The following NECAB1 variants were observed in gnomAD, a reference collection of about 807,000 sequenced individuals.
NECAB1 encodes the protein N-terminal EF-hand calcium-binding protein 1.
Under a neutral mutation model 57.5 loss-of-function variants are expected in NECAB1, and 29 were observed. The ratio of observed to expected loss-of-function variants is 0.50; its 90% CI spans 0.38 to 0.69. The LOEUF is 0.69. NECAB1 is among the 30% of genes least tolerant of loss of function. The probability of loss-of-function intolerance (pLI) is 0.00; values close to 1 mark genes in which losing one functional copy is unlikely to be tolerated. For synonymous variants in NECAB1, 142 were observed against 147.7 expected (o/e 0.96, Z 0.28); for missense variants, 372 against 413.8 (o/e 0.90, Z 0.88).
chr8:90,844,736 C>A (rs1812524126), intron 3 of NECAB1, among the ~76,000 whole-genome samples: 1 of 152,184 alleles, frequency 6.6e-6, no homozygotes, highest in Admixed American at 6.5e-5. Context: ...TCTAGGGAAT[C>A]TTTATCCAGT....
rs2130288438 is a variant in NECAB1 at position 90,956,453 on chromosome 8, G to GAAAT, written c.*943_*944insATAA. On this transcript the variant is annotated 3_prime_UTR_variant, in exon 13 of 13. Coordinates refer to ENST00000417640, the MANE Select transcript of NECAB1 (RefSeq NM_022351.5). ...AAAATAGTAGTGAAAGTATTAGACAGAAGACATCTGTTTTCGAATTTCAAC... is the reference window on the plus strand; with the variant it reads ...AAAATAGTAGTGAAAGTATTAGACAGAAATAAGACATCTGTTTTCGAATTTCAAC... The GAAAT allele has an allele frequency of 6.6e-6, 1 of 151,934 alleles. No homozygotes were observed. The highest frequency in any genetic ancestry group is 6.6e-5 in the Admixed American group (1 of 15,252). 9.4% of individuals were successfully genotyped at this position (151,934 alleles called of 1,614,324 possible).
intron 10 of NECAB1, among the ~76,000 whole-genome samples, chr8:90,948,266 T>A (rs974485759): frequency 6.6e-6 from 1 of 152,144 alleles, no homozygotes; most frequent in Non-Finnish European, 1.5e-5. Flanking sequence ...CTCCTGGGAT[T>A]AGAAAATCAC....
chr8:90,820,624 T>C (rs1812128533), intron 2 of NECAB1, among the ~76,000 whole-genome samples: 1 of 151,820 alleles, frequency 6.6e-6, no homozygotes, highest in African/African-American at 2.4e-5. Flanking sequence ...GCTCTAGTTG[T>C]TGTCATGTTT....
At chr8:90,850,137 GAGAT>G (rs1812655839) in intron 3 of NECAB1, among the ~76,000 whole-genome samples, 1 of 152,182 alleles carries the variant, frequency 6.6e-6, no homozygotes, top group African/African-American at 2.4e-5. Flanking sequence ...AACAGAGAGA[GAGAT>G]AAAAGTAGAG....
intron 12 of NECAB1, 84 bp from the exon 13 acceptor site, chr8:90,955,403 C>T: frequency 1.0e-6 from 1 of 969,202 alleles, no homozygotes. Flanking sequence ...GGGGAATGGT[C>T]TCTTTAGAAA....
chr8:90,879,112 A>G (rs1808788317), intron 4 of NECAB1, among the ~76,000 whole-genome samples: 1 of 140,228 alleles, frequency 7.1e-6, no homozygotes, highest in African/African-American at 2.7e-5. Context: ...AGGTATCTAT[A>G]TATAGATATC....
At chr8:90,911,140 G>A (rs1020246379) in intron 5 of NECAB1, among the ~76,000 whole-genome samples, 2 of 152,040 alleles carry the variant, frequency 1.3e-5, no homozygotes, top group African/African-American at 4.8e-5. Context: ...CTATTTTGTG[G>A]TTTCTACACA....
chr8:90,950,956 T>C (rs1810913027), intron 11 of NECAB1, among the ~76,000 whole-genome samples, 157 bp from the exon 12 acceptor site: 1 of 152,202 alleles, frequency 6.6e-6, no homozygotes, highest in African/African-American at 2.4e-5. Flanking sequence ...TGAGTCATTT[T>C]TGAAAGCTGA....
At chr8:90,947,299 C>CTAAAAACAT (rs140434479) in intron 10 of NECAB1, among the ~76,000 whole-genome samples, 1 of 129,816 alleles carries the variant, frequency 7.7e-6, no homozygotes, top group Non-Finnish European at 1.6e-5. Flanking sequence ...GGGCTAACAA[C>CTAAAAACAT]ACATACACAC....
chr8:90,846,755 G>T (rs1812567654), intron 3 of NECAB1, among the ~76,000 whole-genome samples: 3 of 152,214 alleles, frequency 2.0e-5, no homozygotes, highest in Admixed American at 2.0e-4. Context: ...CATTACGCAA[G>T]AAAGCATGTG....
chr8:90,837,708 C>T (rs1812391314), intron 3 of NECAB1, among the ~76,000 whole-genome samples: 1 of 152,172 alleles, frequency 6.6e-6, no homozygotes. Flanking sequence ...AGAATTGTGT[C>T]TAGTGTCTCT....
chr8:90,860,677 A>T (rs1241769001), intron 3 of NECAB1, among the ~76,000 whole-genome samples: 1 of 152,186 alleles, frequency 6.6e-6, no homozygotes, highest in Non-Finnish European at 1.5e-5. Context: ...ATCAACATTG[A>T]TGCAGAAAAG....
intron 2 of NECAB1, among the ~76,000 whole-genome samples, chr8:90,822,126 A>G (rs1047921323): frequency 6.6e-6 from 1 of 151,916 alleles, no homozygotes; most frequent in Non-Finnish European, 1.5e-5. Context: ...ACCATAGGAA[A>G]TCAGACCTCA....
rs150784253 is a variant in NECAB1, at chr8:90,925,286, G to A, written c.495-249G>A. 1.7e-3 allele frequency among the ~76,000 whole-genome samples: 255 copies of A among 152,224 alleles called. 1 individual carries two copies. Among genetic ancestry groups the A allele is most frequent in the African/African-American group, 6.0e-3 (248 of 41,534 alleles). On this transcript the variant is annotated intron_variant, in intron 6 of 12. Coordinates refer to ENST00000417640, the MANE Select transcript of NECAB1 (RefSeq NM_022351.5). Reference sequence around the variant, plus strand: ...GAAAGTTGACCAACAAAGGAAAAAAGCCTACCTTAAATTACAATTTTTACT... The same window carrying A: ...GAAAGTTGACCAACAAAGGAAAAAAACCTACCTTAAATTACAATTTTTACT...
chr8:90,951,043 T>C, intron 11 of NECAB1, 70 bp from the exon 12 acceptor site: 3 of 861,452 alleles, frequency 3.5e-6, no homozygotes, highest in Admixed American at 6.0e-5. Context: ...TTGATCAAAT[T>C]TGATCTCTGC....
At chr8:90,837,466 A>T (rs905225859) in intron 3 of NECAB1, among the ~76,000 whole-genome samples, 3 of 152,230 alleles carry the variant, frequency 2.0e-5, no homozygotes, top group Non-Finnish European at 4.4e-5. Flanking sequence ...ACTATTTAGA[A>T]CAGTGAGCAA....
At chr8:90,866,465 C>A (rs1301790541) in intron 3 of NECAB1, among the ~76,000 whole-genome samples, 10 of 152,112 alleles carry the variant, frequency 6.6e-5, no homozygotes, top group Non-Finnish European at 1.3e-4. Context: ...GAAAAATATT[C>A]TTCTGCACTG....
At chr8:90,938,622 C>T (rs1245226853) in intron 9 of NECAB1, among the ~76,000 whole-genome samples, 1 of 152,164 alleles carries the variant, frequency 6.6e-6, no homozygotes, top group Non-Finnish European at 1.5e-5. Flanking sequence ...CAAACTTAGG[C>T]AGATTATCTG....
chr8:90,947,009 G>A (rs982371367), intron 10 of NECAB1, among the ~76,000 whole-genome samples: 2 of 152,112 alleles, frequency 1.3e-5, no homozygotes, highest in African/African-American at 4.8e-5. Flanking sequence ...TACCTGTGAA[G>A]GTAAAATGGC....
Sources: allele counts gnomAD v4.1 joint callset (sites outside exome capture counted in the v4.1 genomes callset), GRCh38; gene constraint gnomAD v4.1.1; transcripts MANE v1.5; gene names NCBI Gene and HGNC (gene_info 2026-07-23, HGNC 2026-07-21).